The following TRDN variants were observed in gnomAD, a reference collection of about 807,000 sequenced individuals.
TRDN encodes triadin, also known as triadin in skeletal muscle.
A neutral mutation model predicts 149.7 loss-of-function variants in TRDN; 161 were observed. The observed-to-expected ratio is 1.08, with a 90% CI of 0.95 to 1.23. The LOEUF is 1.23. Ranked by LOEUF, TRDN falls within the 50% of genes most tolerant of loss-of-function variation. The pLI is 0.00. For missense variants in TRDN, 896 were observed against 823.5 expected, an observed-to-expected ratio of 1.09 and a Z score of -1.08; for synonymous variants, 294 against 250.5, an observed-to-expected ratio of 1.17 and a Z score of -1.64.
At chr6:123,395,976 C>T (rs566696014) in intron 12 of TRDN, among the ~76,000 whole-genome samples, 46 of 152,260 alleles carry the variant, frequency 3.0e-4, no homozygotes, top group African/African-American at 1.1e-3. Flanking sequence ...GTAAGTCTGC[C>T]AGCTTGCATC....
At chr6:123,351,061 A>G (rs892260796) in intron 21 of TRDN, 7 of 984,836 alleles carry the variant, frequency 7.1e-6, no homozygotes, top group Non-Finnish European at 8.4e-6. Flanking sequence ...TATCTAGTCA[A>G]TCTTCTTTTG....
chr6:123,231,113 C>T (rs1300321636), intron 38 of TRDN, among the ~76,000 whole-genome samples: 4 of 151,972 alleles, frequency 2.6e-5, no homozygotes, highest in Non-Finnish European at 5.9e-5. Context: ...CATCAAGACC[C>T]TCACTCTTTC....
chr6:123,323,850 A>G, intron 23 of TRDN, among the ~76,000 whole-genome samples: 1 of 152,184 alleles, frequency 6.6e-6, no homozygotes, highest in Non-Finnish European at 1.5e-5. Context: ...TTTTATGCCT[A>G]CTTATATGCT....
In TRDN at chr6:123,513,789, G is replaced by A. The variant is rs9482401; in HGVS notation, c.551-1427C>T. Among the ~76,000 whole-genome samples the A allele has an allele frequency of 5.2e-3, 793 of 151,924 alleles. 6 individuals are homozygous for A. The highest frequency in any genetic ancestry group is 0.018 in the African/African-American group (735 of 41,452). On this transcript the variant is annotated intron_variant, in intron 6 of 40. Coordinates refer to ENST00000334268, the MANE Select transcript of TRDN (RefSeq NM_006073.4). Reference sequence around the variant, plus strand: ...TTTTAGTGGTGATTGGTGAGATTTTGGTATTTTCAAGTGTAAATATACCAT... The same window carrying A: ...TTTTAGTGGTGATTGGTGAGATTTTAGTATTTTCAAGTGTAAATATACCAT...
At position 123,382,146 on chromosome 6, in the gene TRDN, A is replaced by C. The variant is rs200706450; in HGVS notation, c.1137T>G (p.Asp379Glu). The C allele has an allele frequency of 1.4e-4, 213 of 1,502,384 alleles. No homozygotes were observed. Among genetic ancestry groups the C allele is most frequent in the Non-Finnish European group, 1.8e-4 (205 of 1,124,016 alleles). The allele number at this position is 1,502,384 out of a possible 1,614,324, so 93.1% of individuals were successfully genotyped here. ...CTGCAGGTTTTTTTGTTTTCTTGGAATCTGAAAACACAAAGATAAATTATT... is the reference window on the plus strand; with the variant it reads ...CTGCAGGTTTTTTTGTTTTCTTGGACTCTGAAAACACAAAGATAAATTATT... The part of the protein sequence containing the change: ...AAAKKDEKKE[D>E]SKKTKKPAEV... The change falls in exon 15 of 41, where the codon GAT (aspartate) becomes GAG (glutamate). Residue 379 changes from aspartate to glutamate, a missense_variant and splice_region_variant. Transcript: ENST00000334268.
intron 9 of TRDN, among the ~76,000 whole-genome samples, chr6:123,472,360 T>A (rs1230475425): frequency 1.3e-5 from 2 of 152,306 alleles, no homozygotes; most frequent in African/African-American, 4.8e-5. Flanking sequence ...ACCCGAATAC[T>A]GCGCTTTTCC....
intron 2 of TRDN, among the ~76,000 whole-genome samples, chr6:123,555,435 C>T (rs1781598490): frequency 6.6e-6 from 1 of 152,086 alleles, no homozygotes; most frequent in Admixed American, 6.5e-5. Flanking sequence ...ACCTTTATTC[C>T]TCTGTATTTA....
intron 9 of TRDN, among the ~76,000 whole-genome samples, chr6:123,487,668 C>A (rs893430925): frequency 6.6e-6 from 1 of 152,034 alleles, no homozygotes; most frequent in Admixed American, 6.6e-5. Context: ...ACATATACAA[C>A]GTATTATTGT....
At chr6:123,430,398 C>T (rs915424266) in intron 12 of TRDN, among the ~76,000 whole-genome samples, 3 of 150,446 alleles carry the variant, frequency 2.0e-5, no homozygotes, top group Admixed American at 1.3e-4. Flanking sequence ...CTGGCTAACA[C>T]GGTGAAACCC....
intron 10 of TRDN, among the ~76,000 whole-genome samples, chr6:123,446,170 G>A (rs1775334921): frequency 6.6e-6 from 1 of 150,824 alleles, no homozygotes; most frequent in Admixed American, 6.6e-5. Context: ...CTCACTCATA[G>A]GTGGGAATTG....
At position 123,224,100 on chromosome 6, in the gene TRDN, T is replaced by C. The variant is rs758215926; in HGVS notation, c.2007A>G (p.Lys669=). ...CAAAGACAGCAAACTCACCTTTAGC[T>C]TTCTTTGAAGCTGGTACATCTTCAA... ...KDVEDVPASK[K]AKEGTEDVSP... Residue 669 remains lysine (K), a synonymous_variant, in exon 39 of 41, where the codon AAA becomes AAG. Coordinates refer to ENST00000334268, the MANE Select transcript of TRDN (RefSeq NM_006073.4). The C allele has an allele frequency of 1.1e-5, 17 of 1,610,360 alleles. No individual in the cohort carries two copies. The highest frequency in any genetic ancestry group is 1.4e-5 in the Non-Finnish European group (17 of 1,177,956).
chr6:123,405,759 T>C (rs1773169095), intron 12 of TRDN, among the ~76,000 whole-genome samples: 1 of 152,172 alleles, frequency 6.6e-6, no homozygotes, highest in Admixed American at 6.5e-5. Context: ...CTGCAAATTT[T>C]TTTTAATCAA....
intron 24 of TRDN, among the ~76,000 whole-genome samples, chr6:123,284,189 A>G (rs1777719704): frequency 6.7e-6 from 1 of 149,532 alleles, no homozygotes; most frequent in Non-Finnish European, 1.5e-5. Flanking sequence ...ACCCTAATAC[A>G]AACAAGAAAG....
At chr6:123,545,011 A>T (rs1199289056) in intron 4 of TRDN, among the ~76,000 whole-genome samples, 1 of 152,032 alleles carries the variant, frequency 6.6e-6, no homozygotes, top group East Asian at 1.9e-4. Flanking sequence ...TTTTGTTAAG[A>T]ATAGCAGTAA....
At chr6:123,293,780 G>T (rs898757965) in intron 24 of TRDN, among the ~76,000 whole-genome samples, 1 of 151,190 alleles carries the variant, frequency 6.6e-6, no homozygotes, top group Admixed American at 6.6e-5. Context: ...GTCACCTGTT[G>T]TCTTAGGAGT....
At chr6:123,270,935 A>G (rs1777185693) in intron 30 of TRDN, among the ~76,000 whole-genome samples, 1 of 151,970 alleles carries the variant, frequency 6.6e-6, no homozygotes, top group African/African-American at 2.4e-5. Context: ...TACTCTAGCT[A>G]TTATTTTTTA....
At chr6:123,235,623 T>G (rs1186226593) in intron 38 of TRDN, among the ~76,000 whole-genome samples, 2 of 152,138 alleles carry the variant, frequency 1.3e-5, no homozygotes, top group Non-Finnish European at 2.9e-5. Flanking sequence ...TCTATGAATT[T>G]TAAGACATGT....
At chr6:123,222,459 A>T (rs984024333) in intron 39 of TRDN, among the ~76,000 whole-genome samples, 3 of 146,112 alleles carry the variant, frequency 2.1e-5, no homozygotes, top group African/African-American at 7.5e-5. Flanking sequence ...TGAGTAAAAA[A>T]CCTATTAGGG....
chr6:123,303,463 T>TACC (rs1187690377), intron 24 of TRDN, among the ~76,000 whole-genome samples: 1 of 152,144 alleles, frequency 6.6e-6, no homozygotes, highest in Non-Finnish European at 1.5e-5. Flanking sequence ...ACGACATGAA[T>TACC]ACCACATGAT....
Sources: gnomAD v4.1 joint callset for allele counts (sites outside exome capture counted in the v4.1 genomes callset) on GRCh38, gnomAD v4.1.1 for gene constraint, MANE v1.5 for transcripts, NCBI Gene and HGNC (gene_info 2026-07-23, HGNC 2026-07-21) for gene names.